The following MPDZ variants were observed in gnomAD, a reference collection of about 807,000 sequenced individuals.
MPDZ encodes the protein multiple PDZ domain protein.
MPDZ carries 234 observed loss-of-function variants against 239.1 expected under a neutral mutation model. The observed-to-expected ratio is 0.98, with a 90% CI of 0.88 to 1.09. MPDZ has a LOEUF of 1.09. MPDZ is among the 50% of genes least tolerant of loss of function. The pLI, the probability that MPDZ is intolerant of heterozygous loss-of-function variation, is 0.00. For synonymous variants in MPDZ, 1,048 were observed against 881.3 expected (o/e 1.19, Z -3.35); for missense variants, 3,175 against 2,510.0 (o/e 1.26, Z -5.66).
Position 13,236,269 on chromosome 9 carries a change from T to TATATATATATA in MPDZ, c.183+11365_183+11366insTATATATATAT, listed in dbSNP as rs1564099951. Among the ~76,000 whole-genome samples, 53 of 11,884 alleles carry TATATATATATA rather than the reference T, an allele frequency of 4.5e-3. 3 individuals are homozygous for TATATATATATA. The highest frequency in any genetic ancestry group is 4.9e-3 in the African/African-American group (16 of 3,254). 7.8% of individuals were successfully genotyped at this position (11,884 alleles called of 152,430 possible). The stretch of plus-strand genomic sequence containing the variant: ...TGTGTGTATATATATATATATATAT[T>TATATATATATA]TTTTTTTTTTTTTTTTTTTTTTTTT... On this transcript the variant is annotated intron_variant, in intron 3 of 46. Transcript: ENST00000319217.
intron 1 of MPDZ, among the ~76,000 whole-genome samples, chr9:13,261,350 C>A (rs1190346097): frequency 1.3e-5 from 2 of 152,096 alleles, no homozygotes; most frequent in Non-Finnish European, 2.9e-5. Flanking sequence ...ACAATGAACT[C>A]CATTTTGCCA....
intron 1 of MPDZ, chr9:13,279,143 G>C (rs1588303166): frequency 6.6e-6 from 1 of 151,312 alleles, no homozygotes; most frequent in South Asian, 2.1e-4. Context: ...GAAACTTCTA[G>C]ACCCCATCCT....
intron 38 of MPDZ, among the ~76,000 whole-genome samples, chr9:13,121,166 T>C (rs1944286273): frequency 6.6e-6 from 1 of 152,204 alleles, no homozygotes; most frequent in Admixed American, 6.5e-5. Flanking sequence ...GCCCTGTTGA[T>C]GGCACGCTCT....
intron 21 of MPDZ, among the ~76,000 whole-genome samples, chr9:13,172,352 G>T (rs1288565254): frequency 6.6e-6 from 1 of 150,946 alleles, no homozygotes; most frequent in East Asian, 2.0e-4. Context: ...TAATGGTGCT[G>T]TGATTTCACA....
chr9:13,206,395 T>C (rs976189425), intron 10 of MPDZ, among the ~76,000 whole-genome samples: 32 of 152,002 alleles, frequency 2.1e-4, no homozygotes, highest in South Asian at 8.3e-4. Context: ...GCCTTTTTTT[T>C]CCCTTTTTGT....
intron 32 of MPDZ, 89 bp downstream of exon 32, chr9:13,133,735 C>A: frequency 1.1e-6 from 1 of 899,570 alleles, no homozygotes. Context: ...TGCTGTTAAT[C>A]TGGAGACCAC....
chr9:13,221,504 C>T lies in MPDZ; in HGVS notation c.748-4G>A, dbSNP rs762114289. The T allele has an allele frequency of 9.3e-6, 15 of 1,608,308 alleles. No homozygotes were observed. Among genetic ancestry groups the T allele is most frequent in the Non-Finnish European group, 1.3e-5 (15 of 1,176,848 alleles). On this transcript the variant is annotated splice_region_variant and splice_polypyrimidine_tract_variant and intron_variant, in intron 6 of 46. Coordinates refer to ENST00000319217, the MANE Select transcript of MPDZ (RefSeq NM_001378778.1). The stretch of plus-strand genomic sequence containing the variant: ...TTTCCATGTGTTGCCAGTGAACCTA[C>T]AAACAAAGCTCATATATGAATTTGT...
intron 19 of MPDZ, among the ~76,000 whole-genome samples, chr9:13,177,564 T>C (rs561355569): frequency 7.7e-4 from 117 of 152,310 alleles, no homozygotes; most frequent in South Asian, 1.7e-3. Flanking sequence ...TGCAGTATCT[T>C]TTCATCTTGA....
At chr9:13,224,963 T>C (rs1960060172) in intron 3 of MPDZ, among the ~76,000 whole-genome samples, 1 of 152,134 alleles carries the variant, frequency 6.6e-6, no homozygotes, top group Non-Finnish European at 1.5e-5. Context: ...TCCTGAGTGA[T>C]GAGGTATCTT....
chr9:13,126,372 A>G lies in MPDZ; in HGVS notation c.4632+144T>C, dbSNP rs1367840235. On this transcript the variant is annotated intron_variant, in intron 34 of 46. Coordinates refer to ENST00000319217, the MANE Select transcript of MPDZ (RefSeq NM_001378778.1). The stretch of plus-strand genomic sequence containing the variant: ...GGAAAATAAGAAATAGAAATTGAAG[A>G]ACTTCTGAACAATCTCTTCTTTTCC... 3 of 509,572 alleles carry G rather than the reference A, an allele frequency of 5.9e-6. No individual in the cohort carries two copies. In the African/African-American group the frequency reaches 5.9e-5, roughly 10 times the overall value. The allele number at this position is 509,572 out of a possible 1,614,324, so 31.6% of individuals were successfully genotyped here. A position where few individuals can be genotyped will look rare whatever the true frequency, so the allele number is the denominator to read the frequency against.
chr9:13,168,394 T>C lies in MPDZ; in HGVS notation c.3226A>G (p.Arg1076Gly). Residue 1076 changes from arginine to glycine, a missense_variant, in exon 22 of 47, where the codon AGA (arginine) becomes GGA (glycine). Coordinates refer to ENST00000319217, the MANE Select transcript of MPDZ (RefSeq NM_001378778.1). Reference sequence around the variant, plus strand: ...ATGTCAGGGCCAATGAGAGAATGTCTTCTCAACATAGCTCGTGCCTGGGCA... The same window carrying C: ...ATGTCAGGGCCAATGAGAGAATGTCCTCTCAACATAGCTCGTGCCTGGGCA... ...TNAQARAMLR[R>G]HSLIGPDIKI... The C allele has an allele frequency of 6.2e-7, 1 of 1,613,340 alleles. No homozygotes were observed. Among genetic ancestry groups the C allele is most frequent in the South Asian group, 1.1e-5 (1 of 91,036 alleles).
chr9:13,270,887 T>C (rs916798538), intron 1 of MPDZ, among the ~76,000 whole-genome samples: 3 of 152,184 alleles, frequency 2.0e-5, no homozygotes, highest in Admixed American at 2.0e-4. Context: ...TCCAATTCAC[T>C]ATATGACTGT....
chr9:13,190,279 C>T lies in MPDZ; in HGVS notation c.1989G>A (p.Glu663=), dbSNP rs370785235. 1.4e-5 allele frequency: 22 copies of T among 1,602,264 alleles called. No homozygotes were observed. Among genetic ancestry groups the T allele is most frequent in the South Asian group, 3.4e-5 (3 of 88,928 alleles). The change falls in exon 16 of 47, where the codon GAG becomes GAA. Residue 663 remains glutamate, a synonymous_variant. Transcript: ENST00000319217. ...LTEKPHVDLG[E]FIGSSETEDP... ...CCTCTGTCTCTGATGACCCGATGAA[C>T]TCACCTAGATCTACGTGAGGCTGGA...
intron 1 of MPDZ, among the ~76,000 whole-genome samples, chr9:13,273,685 A>C (rs940437413): frequency 6.6e-6 from 1 of 152,224 alleles, no homozygotes; most frequent in Non-Finnish European, 1.5e-5. Flanking sequence ...AGTAAAGAAA[A>C]AAGCAGAAGT....
intron 12 of MPDZ, among the ~76,000 whole-genome samples, chr9:13,203,799 G>A (rs968968783): frequency 1.3e-5 from 2 of 150,738 alleles, no homozygotes; most frequent in South Asian, 4.2e-4. Context: ...GAGAGAGAGG[G>A]ATTTCTCATT....
chr9:13,179,311 C>A (rs914590699), intron 19 of MPDZ, among the ~76,000 whole-genome samples: 2 of 152,052 alleles, frequency 1.3e-5, no homozygotes, highest in Non-Finnish European at 2.9e-5. Flanking sequence ...TTCCATATTG[C>A]TAAATTGATT....
chr9:13,243,946 T>C (rs539914781), intron 3 of MPDZ, among the ~76,000 whole-genome samples: 47 of 152,338 alleles, frequency 3.1e-4, no homozygotes, highest in Admixed American at 9.1e-4. Flanking sequence ...TGAGGTTTAT[T>C]TGCCATCTAA....
intron 3 of MPDZ, among the ~76,000 whole-genome samples, chr9:13,233,068 G>C (rs1029561106): frequency 6.6e-6 from 1 of 152,064 alleles, no homozygotes; most frequent in African/African-American, 2.4e-5. Flanking sequence ...CATTGATGTG[G>C]AGCCACAAGA....
chr9:13,155,826 T>C lies in MPDZ; in HGVS notation c.3452+2192A>G, dbSNP rs1469622547. Among the ~76,000 whole-genome samples the C allele has an allele frequency of 2.0e-5, 3 of 152,308 alleles. No homozygotes were observed. The East Asian group carries it at 5.8e-4, about 29-fold the overall frequency. On this transcript the variant is annotated intron_variant, in intron 24 of 46. Transcript: ENST00000319217. ...GCTTTCTTCTCATGTTCTATGAACTTCCCCTAGAAGTAGCTTAGTGAATCT... is the reference window on the plus strand; with the variant it reads ...GCTTTCTTCTCATGTTCTATGAACTCCCCCTAGAAGTAGCTTAGTGAATCT...
Sources: allele counts gnomAD v4.1 joint callset (sites outside exome capture counted in the v4.1 genomes callset), GRCh38; gene constraint gnomAD v4.1.1; transcripts MANE v1.5; gene names NCBI Gene and HGNC (gene_info 2026-07-23, HGNC 2026-07-21).